The following SUSD1 variants were observed in gnomAD, a reference collection of about 807,000 sequenced individuals.
SUSD1 encodes the protein sushi domain-containing protein 1.
SUSD1 carries 65 observed loss-of-function variants against 86.9 expected under a neutral mutation model. The observed-to-expected ratio is 0.75, with a 90% CI of 0.61 to 0.92. SUSD1 has a LOEUF of 0.92. SUSD1 is among the 40% of genes least tolerant of loss of function. SUSD1 has a pLI of 0.00. For missense variants in SUSD1, 850 were observed against 929.7 expected, an observed-to-expected ratio of 0.91 and a Z score of 1.11; for synonymous variants, 346 against 350.0, an observed-to-expected ratio of 0.99 and a Z score of 0.13.
intron 8 of SUSD1, among the ~76,000 whole-genome samples, chr9:112,110,081 G>T (rs1006601351): frequency 1.3e-5 from 2 of 152,122 alleles, no homozygotes; most frequent in African/African-American, 4.8e-5. Flanking sequence ...AGCTGTGGTG[G>T]TTCACGCCTA....
intron 15 of SUSD1, among the ~76,000 whole-genome samples, chr9:112,049,791 C>T (rs932998123): frequency 1.3e-5 from 2 of 152,226 alleles, no homozygotes; most frequent in Admixed American, 6.5e-5. Context: ...AGAATTTCCA[C>T]AGAACAGTGT....
intron 1 of SUSD1, among the ~76,000 whole-genome samples, chr9:112,171,576 A>G (rs1191032897): frequency 6.6e-6 from 1 of 152,170 alleles, no homozygotes; most frequent in African/African-American, 2.4e-5. Flanking sequence ...AGGAGTGAGG[A>G]CACCCAGGCT....
At chr9:112,080,200 C>G in intron 10 of SUSD1, 35 bp from the exon 11 acceptor site, 1 of 1,494,684 alleles carries the variant, frequency 6.7e-7, no homozygotes, top group Non-Finnish European at 9.3e-7. Context: ...TCAATTTACA[C>G]TCTATAGAAA....
intron 5 of SUSD1, among the ~76,000 whole-genome samples, chr9:112,138,072 A>T (rs1832343939): frequency 6.7e-6 from 1 of 149,704 alleles, no homozygotes; most frequent in Admixed American, 6.7e-5. Flanking sequence ...AAAATACAAA[A>T]AATTAGCTGG....
At chr9:112,138,469 T>G (rs1832412631) in intron 5 of SUSD1, among the ~76,000 whole-genome samples, 1 of 150,604 alleles carries the variant, frequency 6.6e-6, no homozygotes, top group African/African-American at 2.4e-5. Flanking sequence ...TATTCTTTTT[T>G]TTTTTTTGAG....
intron 15 of SUSD1, chr9:112,052,007 G>C (rs1828235536): frequency 1.9e-6 from 1 of 524,756 alleles, no homozygotes; most frequent in Middle Eastern, 3.3e-4. Flanking sequence ...TCCCCGAATT[G>C]AAAAGCTATG....
chr9:112,079,119 G>A lies in SUSD1; in HGVS notation c.1567-395C>T, dbSNP rs546744406. On this transcript the variant is annotated intron_variant, in intron 11 of 16. Coordinates refer to ENST00000374270, the MANE Select transcript of SUSD1 (RefSeq NM_022486.5). ...GAGCCACCGCGCCCAGCCCCTTCCC[G>A]TTTTCATGAGCTTTCTTCCTCTCTC... Among the ~76,000 whole-genome samples, 5 of 151,498 alleles carry A rather than the reference G, an allele frequency of 3.3e-5. No homozygotes were observed. In the South Asian group the frequency reaches 8.3e-4, roughly 25 times the overall value.
intron 14 of SUSD1, among the ~76,000 whole-genome samples, chr9:112,056,151 A>G (rs1828438670): frequency 6.6e-6 from 1 of 152,154 alleles, no homozygotes; most frequent in Non-Finnish European, 1.5e-5. Context: ...CTGTGGTCCA[A>G]GTTAACTCAG....
Position 112,143,625 on chromosome 9 carries a change from T to G in SUSD1, c.374-2A>C. On this transcript the variant is annotated splice_acceptor_variant, in intron 3 of 16. Coordinates refer to ENST00000374270, the MANE Select transcript of SUSD1 (RefSeq NM_022486.5). LOFTEE classifies it high-confidence loss of function. ...CAGAAACTTCACACTCATCTATGTC[T>G]TGGGACCCAATCCAAATAGAGAAAA... is the stretch of plus-strand genomic sequence containing the variant. The G allele has an allele frequency of 1.9e-6, 3 of 1,605,456 alleles. No homozygotes were observed. Among genetic ancestry groups the G allele is most frequent in the Non-Finnish European group, 2.5e-6 (3 of 1,177,076 alleles).
intron 2 of SUSD1, among the ~76,000 whole-genome samples, chr9:112,150,600 A>G (rs1288877408): frequency 6.6e-6 from 1 of 152,202 alleles, no homozygotes; most frequent in Non-Finnish European, 1.5e-5. Flanking sequence ...GATTGTGGGA[A>G]CATCATAGGG....
chr9:112,167,221 C>G (rs1339702335), intron 1 of SUSD1, among the ~76,000 whole-genome samples: 2 of 152,086 alleles, frequency 1.3e-5, no homozygotes, highest in African/African-American at 4.8e-5. Flanking sequence ...CTCAGCCTCC[C>G]AAGTAGCTGG....
At chr9:112,142,585 T>TCA (rs956423571) in intron 4 of SUSD1, 86 bp from the exon 5 acceptor site, 111 of 1,244,778 alleles carry the variant, frequency 8.9e-5, no homozygotes, top group African/African-American at 8.9e-4. Flanking sequence ...ACCCTATTCC[T>TCA]CACACACACA....
At chr9:112,134,652 G>A (rs1832179561) in intron 5 of SUSD1, among the ~76,000 whole-genome samples, 1 of 152,006 alleles carries the variant, frequency 6.6e-6, no homozygotes, top group South Asian at 2.1e-4. Flanking sequence ...TGGGTACCAT[G>A]CTCACTACAT....
chr9:112,160,627 C>A (rs1454614251), intron 1 of SUSD1, among the ~76,000 whole-genome samples: 1 of 152,006 alleles, frequency 6.6e-6, no homozygotes, highest in Non-Finnish European at 1.5e-5. Context: ...ATTTGGGAGG[C>A]CTTGATCCCA....
At chr9:112,070,257 T>G (rs1267007829) in intron 12 of SUSD1, among the ~76,000 whole-genome samples, 1 of 152,162 alleles carries the variant, frequency 6.6e-6, no homozygotes. Flanking sequence ...TCCACCTGCC[T>G]CGGCCTCCCA....
intron 2 of SUSD1, among the ~76,000 whole-genome samples, chr9:112,155,269 G>A (rs1244484628): frequency 4.6e-5 from 7 of 151,702 alleles, no homozygotes; most frequent in Admixed American, 2.6e-4. Flanking sequence ...AAAAGTCAAA[G>A]GGCAAGCTAG....
chr9:112,059,072 G>A (rs895440318), intron 13 of SUSD1, among the ~76,000 whole-genome samples: 2 of 152,200 alleles, frequency 1.3e-5, no homozygotes, highest in Admixed American at 6.5e-5. Flanking sequence ...GATTACAGGC[G>A]TGAGCCACTG....
intron 15 of SUSD1, 35 bp from the exon 16 acceptor site, chr9:112,041,995 C>CACGG: frequency 6.2e-7 from 1 of 1,608,114 alleles, no homozygotes; most frequent in Non-Finnish European, 8.5e-7. Flanking sequence ...GCCCAGAGTG[C>CACGG]ACGGCATCAC....
At chr9:112,154,559 A>G (rs950727070) in intron 2 of SUSD1, among the ~76,000 whole-genome samples, 1 of 152,144 alleles carries the variant, frequency 6.6e-6, no homozygotes, top group Non-Finnish European at 1.5e-5. Flanking sequence ...GGAGATCTGC[A>G]TAAGAGCTTA....
Sources: gnomAD v4.1 joint callset for allele counts (sites outside exome capture counted in the v4.1 genomes callset) on GRCh38, gnomAD v4.1.1 for gene constraint, MANE v1.5 for transcripts, NCBI Gene and HGNC (gene_info 2026-07-23, HGNC 2026-07-21) for gene names.